Variants in FAM199X observed in about 807,000 individuals in gnomAD.
FAM199X encodes the protein family with sequence similarity 199, X-linked.
Under a neutral mutation model 22.9 loss-of-function variants are expected in FAM199X, and 4 were observed. The ratio of observed to expected loss-of-function variants is 0.17; its 90% CI spans 0.09 to 0.40. The LOEUF (loss-of-function observed/expected upper bound fraction) is 0.40, where lower values mean the gene tolerates loss of function less well. Ranked by LOEUF, FAM199X falls within the 10% of genes least tolerant of loss-of-function variation. The pLI is 1.00. For missense variants in FAM199X, 183 were observed against 306.8 expected, an observed-to-expected ratio of 0.60 and a Z score of 3.01; for synonymous variants, 101 against 112.3, an observed-to-expected ratio of 0.90 and a Z score of 0.64.
chrX:104,186,975 A>G (rs190606129), intron 4 of FAM199X, among the ~76,000 whole-genome samples: 1 of 112,098 alleles, frequency 8.9e-6, no homozygotes, highest in Non-Finnish European at 1.9e-5. Flanking sequence ...CTATTCTTTG[A>G]TAAACAGCTG....
chrX:104,175,347 T>C (rs1418433242), intron 1 of FAM199X, among the ~76,000 whole-genome samples: 3 of 111,952 alleles, frequency 2.7e-5, no homozygotes, highest in African/African-American at 9.7e-5. Context: ...GGACCCCATG[T>C]TCCTGTCACC....
chrX:104,168,235 C>G (rs1921263394), intron 1 of FAM199X, among the ~76,000 whole-genome samples: 1 of 112,268 alleles, frequency 8.9e-6, no homozygotes. Flanking sequence ...TATGACTACT[C>G]TAAATCGTCA....
chrX:104,173,605 A>C (rs1390457123), intron 1 of FAM199X, among the ~76,000 whole-genome samples: 2 of 112,175 alleles, frequency 1.8e-5, no homozygotes, highest in Non-Finnish European at 3.8e-5. Context: ...CGACCTAATA[A>C]TAGGTAAATA....
chrX:104,165,329 G>A (rs890567382), upstream of FAM199X, among the ~76,000 whole-genome samples: 4 of 111,801 alleles, frequency 3.6e-5, no homozygotes, highest in African/African-American at 1.3e-4. Flanking sequence ...GCATTGGTAG[G>A]GCAAGGCACA....
upstream of FAM199X, among the ~76,000 whole-genome samples, chrX:104,165,625 T>G (rs1556373584): frequency 8.9e-6 from 1 of 111,856 alleles, no homozygotes; most frequent in Non-Finnish European, 1.9e-5. Context: ...TTAGTAATCT[T>G]GGGGTTTCCT....
upstream of FAM199X, among the ~76,000 whole-genome samples, chrX:104,161,932 T>C (rs1286213085): frequency 8.9e-6 from 1 of 112,035 alleles, no homozygotes; most frequent in Non-Finnish European, 1.9e-5. Context: ...TCTCAAAAAT[T>C]TTTTTGCCAT....
intron 1 of FAM199X, among the ~76,000 whole-genome samples, chrX:104,167,822 G>T (rs1018585060): frequency 9.2e-6 from 1 of 109,267 alleles, no homozygotes; most frequent in Non-Finnish European, 1.9e-5. Flanking sequence ...ATCTTGGGGG[G>T]TGGGTTGAAG....
At chrX:104,186,970 C>A (rs1026800863) in intron 4 of FAM199X, among the ~76,000 whole-genome samples, 1 of 111,768 alleles carries the variant, frequency 8.9e-6, no homozygotes, top group African/African-American at 3.3e-5. Context: ...GAGAGCTATT[C>A]TTTGATAAAC....
At chrX:104,169,718 C>A in intron 1 of FAM199X, among the ~76,000 whole-genome samples, 1 of 111,899 alleles carries the variant, frequency 8.9e-6, no homozygotes, top group South Asian at 3.7e-4. Flanking sequence ...TAGGCGTGTA[C>A]CACTATGCCT....
chrX:104,192,350 A>G lies in FAM199X; in HGVS notation c.*2572A>G, dbSNP rs184744584. ...TTTAAATACAAATCCTAACTAACCA[A>G]TTAATTAATAAAAAGGCAAGACTTA... is the stretch of plus-strand genomic sequence containing the variant. On this transcript the variant is annotated 3_prime_UTR_variant, in exon 6 of 6. Coordinates refer to ENST00000493442, the MANE Select transcript of FAM199X (RefSeq NM_207318.4). 177 of 112,117 alleles carry G rather than the reference A, an allele frequency of 1.6e-3. 2 individuals carry two copies. Among genetic ancestry groups the G allele is most frequent in the African/African-American group, 5.1e-3 (158 of 31,013 alleles). The allele number at this position is 112,117 out of a possible 1,213,427, so 9.2% of individuals were successfully genotyped here.
At chrX:104,168,451 A>G (rs1263045570) in intron 1 of FAM199X, among the ~76,000 whole-genome samples, 2 of 112,754 alleles carry the variant, frequency 1.8e-5, no homozygotes, top group African/African-American at 6.4e-5. Flanking sequence ...TGTAATGTGA[A>G]TGTAACATAT....
At chrX:104,163,655 G>A (rs1390485414), upstream of FAM199X, among the ~76,000 whole-genome samples, 7 of 107,188 alleles carry the variant, frequency 6.5e-5, no homozygotes, top group African/African-American at 2.4e-4. Flanking sequence ...GTCTATGTCA[G>A]TATTTCTCAC....
chrX:104,164,947 G>A (rs1474153850), upstream of FAM199X, among the ~76,000 whole-genome samples: 1 of 112,114 alleles, frequency 8.9e-6, no homozygotes, highest in Non-Finnish European at 1.9e-5. Context: ...AGTTCCTGGT[G>A]CTATTACCTG....
In FAM199X at chrX:104,175,611, G is replaced by T. The variant is rs782260984; in HGVS notation, c.198-12G>T. On this transcript the variant is annotated splice_polypyrimidine_tract_variant and intron_variant, in intron 1 of 5. Transcript: ENST00000493442. ...TAGTTCTCTTGATTTCTTTCGTGTT[G>T]TGTTTTTGAAGGTGGAACCTAACTT... The T allele has an allele frequency of 4.4e-5, 53 of 1,191,726 alleles. No individual in the cohort carries two copies. The Admixed American group carries it at 1.2e-3, about 27-fold the overall frequency.
chrX:104,181,907 C>T (rs1445479202), intron 2 of FAM199X, among the ~76,000 whole-genome samples: 1 of 110,899 alleles, frequency 9.0e-6, no homozygotes, highest in Non-Finnish European at 1.9e-5. Flanking sequence ...CAATTTTTTT[C>T]TGGTCTCAAC....
intron 1 of FAM199X, among the ~76,000 whole-genome samples, chrX:104,174,408 C>A (rs1602515845): frequency 9.0e-6 from 1 of 111,199 alleles, no homozygotes; most frequent in Middle Eastern, 4.6e-3. Flanking sequence ...TTATATACTG[C>A]CCTGGGGAGT....
the FAM199X span, among the ~76,000 whole-genome samples, chrX:104,158,241 C>T: frequency 3.6e-5 from 4 of 111,584 alleles, no homozygotes; most frequent in Non-Finnish European, 5.7e-5. Context: ...AGACTAGGTT[C>T]TCTTCAGAAG....
chrX:104,187,940 A>G (rs1921845627), intron 4 of FAM199X, 100 bp from the exon 5 acceptor site: 16 of 1,017,303 alleles, frequency 1.6e-5, no homozygotes. Flanking sequence ...AGCACTTTTG[A>G]CAGTCTTTTA....
upstream of FAM199X, among the ~76,000 whole-genome samples, chrX:104,164,802 C>T (rs1921117499): frequency 9.0e-6 from 1 of 111,421 alleles, no homozygotes; most frequent in Non-Finnish European, 1.9e-5. Flanking sequence ...ATAGCTTGAA[C>T]CCGGGAGGTG....
Sources: allele counts gnomAD v4.1 joint callset (sites outside exome capture counted in the v4.1 genomes callset), GRCh38; gene constraint gnomAD v4.1.1; transcripts MANE v1.5; gene names NCBI Gene and HGNC (gene_info 2026-07-23, HGNC 2026-07-21).